ESPL1: variants seen among roughly 807,000 people sequenced by gnomAD.
ESPL1 encodes the protein separin.
ESPL1 carries 50 observed loss-of-function variants against 217.2 expected under a neutral mutation model. The observed-to-expected ratio is 0.23, with a 90% confidence interval of 0.18 to 0.29. ESPL1 has a LOEUF of 0.29. Ranked by LOEUF, ESPL1 falls within the 10% of genes least tolerant of loss-of-function variation. The pLI is 1.00. For missense variants in ESPL1, 1,834 were observed against 2,603.0 expected (o/e 0.70, Z 6.43); for synonymous variants, 994 against 1,081.3 (o/e 0.92, Z 1.58).
chr12:53,269,351 C>T lies in ESPL1; in HGVS notation c.409C>T (p.Pro137Ser), dbSNP rs2120869128. ...CLVQCSREAA[P>S]QDYEAVARGS... Reference sequence around the variant, plus strand: ...GGTGCAGTGCTCTCGCGAGGCTGCTCCCCAGGACTATGAGGCCGTGGCTCG... The same window carrying T: ...GGTGCAGTGCTCTCGCGAGGCTGCTTCCCAGGACTATGAGGCCGTGGCTCG... The change falls in exon 3 of 31, where the codon CCC becomes TCC. Residue 137 changes from proline to serine, a missense_variant. By Grantham distance (74) the Pro-to-Ser change is moderately conservative (BLOSUM62 -1). Coordinates refer to ENST00000257934, the MANE Select transcript of ESPL1 (RefSeq NM_012291.5). This position sits in a 1 kb window ranked among gnomAD's most constrained non-coding sequence, Gnocchi z 6.7. 1 of 1,614,056 alleles carries T rather than the reference C, an allele frequency of 6.2e-7. No homozygotes were observed. The highest frequency in any genetic ancestry group is 8.5e-7 in the Non-Finnish European group (1 of 1,180,030).
rs1943771124 is a variant in ESPL1 at position 53,276,727 on chromosome 12, G to T, written c.1808G>T (p.Arg603Leu). ...KAVRADTGQE[R>L]FNIICDLLEL... is the part of the protein sequence containing the mutation. ...GTGCGGGCCGACACTGGACAGGAAC[G>T]CTTCAACATCATCTGTGACCTCCTG... The change falls in exon 8 of 31, where the codon CGC (arginine) becomes CTC (leucine). Residue 603 changes from arginine to leucine, a missense_variant. Coordinates refer to ENST00000257934, the MANE Select transcript of ESPL1 (RefSeq NM_012291.5). The T allele has an allele frequency of 6.2e-7, 1 of 1,613,300 alleles. No homozygotes were observed. Among genetic ancestry groups the T allele is most frequent in the African/African-American group, 1.3e-5 (1 of 74,940 alleles).
At position 53,286,393 on chromosome 12, in the gene ESPL1, G is replaced by A. The variant is rs138937167; in HGVS notation, c.3657G>A (p.Leu1219=). The change falls in exon 18 of 31, where the codon TTG becomes TTA. Residue 1219 remains leucine, a synonymous_variant. Transcript: ENST00000257934. The surrounding 1 kb of genome is among the most constrained non-coding windows in gnomAD (Gnocchi z 5.3). ...CCCCCTCCTTGGTTCCAAGCCTCTT[G>A]GATGAGATCTTGGCTCAAGCATACA... is the stretch of plus-strand genomic sequence containing the variant. The part of the protein sequence containing the change: ...KTPPSLVPSL[L]DEILAQAYTL... 11 of 1,614,058 alleles carry A rather than the reference G, an allele frequency of 6.8e-6. No homozygotes were observed. The highest frequency in any genetic ancestry group is 9.3e-6 in the Non-Finnish European group (11 of 1,180,042).
chr12:53,278,610 A>C (rs1303101335), intron 11 of ESPL1, among the ~76,000 whole-genome samples: 5 of 144,612 alleles, frequency 3.5e-5, no homozygotes, highest in Non-Finnish European at 7.4e-5. Context: ...TTTTTTTTTC[A>C]AGATGGAGTC....
In ESPL1 at chr12:53,271,205, G is replaced by A. The variant is rs543913099; in HGVS notation, c.1369+407G>A. On this transcript the variant is annotated intron_variant, in intron 5 of 30. Coordinates refer to ENST00000257934, the MANE Select transcript of ESPL1 (RefSeq NM_012291.5). ...TTTTTTTTTTTTGAGACAAGGTCTT[G>A]CTCTGTCACCTAGGCTGGAGTGCAC... Among the ~76,000 whole-genome samples the A allele has an allele frequency of 1.8e-3, 163 of 91,964 alleles. 1 individual carries two copies. The highest frequency in any genetic ancestry group is 7.0e-3 in the African/African-American group (161 of 22,980). The allele number at this position is 91,964 out of a possible 152,430, so 60.3% of individuals were successfully genotyped here. A position where few individuals can be genotyped will look rare whatever the true frequency, so the allele number is the denominator to read the frequency against.
intron 2 of ESPL1, 32 bp downstream of exon 2, chr12:53,268,879 G>A (rs939106041): frequency 1.3e-6 from 2 of 1,579,048 alleles, no homozygotes; most frequent in Non-Finnish European, 1.7e-6. Flanking sequence ...GGATACACCT[G>A]GCTTTCCAAA....
intron 13 of ESPL1, 86 bp downstream of exon 13, chr12:53,281,712 T>G (rs1488529456): frequency 1.5e-6 from 2 of 1,327,290 alleles, no homozygotes; most frequent in Non-Finnish European, 2.1e-6. Flanking sequence ...CTTTTGAGAT[T>G]TCCCTGGAGC....
rs369095929 is a variant in ESPL1, at chr12:53,282,757, G to A, written c.2791+322G>A. Reference sequence around the variant, plus strand: ...CAACCTCTGCCTCCTGGGTTCAAACGATTCTCCTGCCTCAACCTCCTGAGT... The same window carrying A: ...CAACCTCTGCCTCCTGGGTTCAAACAATTCTCCTGCCTCAACCTCCTGAGT... On this transcript the variant is annotated intron_variant, in intron 14 of 30. Transcript: ENST00000257934. The surrounding 1 kb of genome is among the most constrained non-coding windows in gnomAD (Gnocchi z 4.0). Among the ~76,000 whole-genome samples, 8 of 152,188 alleles carry A rather than the reference G, an allele frequency of 5.3e-5. No homozygotes were observed. The highest frequency in any genetic ancestry group is 8.8e-5 in the Non-Finnish European group (6 of 68,026).
Position 53,283,449 on chromosome 12 carries a change from C to T in ESPL1, c.2988C>T (p.Cys996=), listed in dbSNP as rs1943897151. ...EVLSCSEKLV[C]HLGRLGSVSE... ...TGAGCTGCTCAGAGAAGCTGGTCTGCCACCTGGGCCGCCTGGGTAGTGTGA... is the reference window on the plus strand; with the variant it reads ...TGAGCTGCTCAGAGAAGCTGGTCTGTCACCTGGGCCGCCTGGGTAGTGTGA... The change falls in exon 16 of 31, where the codon TGC becomes TGT. Residue 996 remains cysteine, a synonymous_variant. Coordinates refer to ENST00000257934, the MANE Select transcript of ESPL1 (RefSeq NM_012291.5). 6.2e-7 allele frequency: 1 copy of T among 1,614,158 alleles called. No individual in the cohort carries two copies. Among genetic ancestry groups the T allele is most frequent in the African/African-American group, 1.3e-5 (1 of 75,042 alleles).
rs756195727 is a variant in ESPL1, at chr12:53,293,429, T to C, written c.6318T>C (p.Ile2106=). 8 of 1,614,050 alleles carry C rather than the reference T, an allele frequency of 5.0e-6. No individual in the cohort carries two copies. The South Asian group carries it at 8.8e-5, about 18-fold the overall frequency. Residue 2106 remains isoleucine (I), a synonymous_variant, in exon 31 of 31, where the codon ATT becomes ATC. Transcript: ENST00000257934. The surrounding 1 kb of genome is among the most constrained non-coding windows in gnomAD (Gnocchi z 4.2). ...ARQAPRLKYL[I]GAAPIAYGLP... is the part of the protein sequence containing the mutation. ...AAGCTCCCCGACTCAAGTATCTTAT[T>C]GGGGCTGCACCTATAGCCTATGGCT... is the stretch of plus-strand genomic sequence containing the variant.
chr12:53,271,497 AC>A (rs1943674366), intron 5 of ESPL1, among the ~76,000 whole-genome samples: 1 of 151,874 alleles, frequency 6.6e-6, no homozygotes, highest in Non-Finnish European at 1.5e-5. Context: ...CCCTGTCTCT[AC>A]TAAAAATAGA....
chr12:53,277,276 T>C (rs1215299887), intron 9 of ESPL1, 49 bp downstream of exon 9: 27 of 1,575,926 alleles, frequency 1.7e-5, no homozygotes, highest in Non-Finnish European at 2.2e-5. Context: ...TAGGAATTAC[T>C]GTCCCTGGGC....
rs765858674 is a variant in ESPL1 at position 53,292,532 on chromosome 12, G to T, written c.5913-42G>T. On this transcript the variant is annotated intron_variant, in intron 28 of 30. Coordinates refer to ENST00000257934, the MANE Select transcript of ESPL1 (RefSeq NM_012291.5). The surrounding 1 kb of genome is among the most constrained non-coding windows in gnomAD (Gnocchi z 4.5). ...CTGCTGTCTTTGCCACCTGACCCCTGCCATGCATTTCCCTATTCTCACACC... is the reference window on the plus strand; with the variant it reads ...CTGCTGTCTTTGCCACCTGACCCCTTCCATGCATTTCCCTATTCTCACACC... The T allele has an allele frequency of 7.1e-6, 11 of 1,544,676 alleles. No individual in the cohort carries two copies. The highest frequency in any genetic ancestry group is 9.8e-6 in the Non-Finnish European group (11 of 1,119,496).
intron 17 of ESPL1, among the ~76,000 whole-genome samples, chr12:53,285,004 C>G (rs1220823348): frequency 2.7e-4 from 19 of 70,092 alleles, no homozygotes; most frequent in Non-Finnish European, 4.6e-4. Flanking sequence ...GTGCGAGACT[C>G]TGACTCAAAA....
At position 53,288,205 on chromosome 12, in the gene ESPL1, T is replaced by A. The variant is rs141578053; in HGVS notation, c.4410T>A (p.Arg1470=). The A allele has an allele frequency of 3.7e-6, 6 of 1,610,580 alleles. No individual in the cohort carries two copies. The African/African-American group carries it at 8.0e-5, about 22-fold the overall frequency. Residue 1470 remains arginine (R), a synonymous_variant, in exon 19 of 31, where the codon CGT becomes CGA. Coordinates refer to ENST00000257934, the MANE Select transcript of ESPL1 (RefSeq NM_012291.5). The part of the protein sequence containing the change: ...KVASRHCEER[R]PQRASDQARP... Reference sequence around the variant, plus strand: ...CATCAAGACATTGTGAGGAGCGGCGTCCCCAGAGGGCCAGTGACCAGGCCA... The same window carrying A: ...CATCAAGACATTGTGAGGAGCGGCGACCCCAGAGGGCCAGTGACCAGGCCA...
chr12:53,290,939 C>T lies in ESPL1; in HGVS notation c.5463C>T (p.Arg1821=), dbSNP rs1381948860. 3 of 1,606,244 alleles carry T rather than the reference C, an allele frequency of 1.9e-6. No homozygotes were observed. The highest frequency in any genetic ancestry group is 1.7e-5 in the Admixed American group (1 of 58,766). ...EEPGPAQEAS[R]LQELLQDCGW... Reference sequence around the variant, plus strand: ...CCGGCCCTGCCCAGGAGGCCTCCCGCCTACAGGAGCTGCTACAGGACTGTG... The same window carrying T: ...CCGGCCCTGCCCAGGAGGCCTCCCGTCTACAGGAGCTGCTACAGGACTGTG... The change falls in exon 25 of 31, where the codon CGC becomes CGT. Residue 1821 remains arginine (R), a synonymous_variant. Transcript: ENST00000257934.
In ESPL1 at chr12:53,276,709, C is replaced by T; in HGVS notation, c.1790C>T (p.Ala597Val). The T allele has an allele frequency of 6.2e-7, 1 of 1,613,236 alleles. No homozygotes were observed. Residue 597 changes from alanine to valine, a missense_variant, in exon 8 of 31, where the codon GCC (alanine) becomes GTC (valine). Ala to Val is a moderately conservative substitution (Grantham distance 64). Around this residue, in one of 5 missense-constraint regions of ESPL1, gnomAD observed 746 missense variants for 1,077.0 expected, o/e 0.69. Transcript: ENST00000257934. ...EELQAYKAVR[A>V]DTGQERFNII... The stretch of plus-strand genomic sequence containing the variant: ...CTGCAGGCCTACAAGGCGGTGCGGG[C>T]CGACACTGGACAGGAACGCTTCAAC...
Position 53,293,122 on chromosome 12 carries a change from C to A in ESPL1, c.6162-151C>A. On this transcript the variant is annotated intron_variant, in intron 30 of 30. Coordinates refer to ENST00000257934, the MANE Select transcript of ESPL1 (RefSeq NM_012291.5). This position sits in a 1 kb window ranked among gnomAD's most constrained non-coding sequence, Gnocchi z 4.2. ...GCATGCCTGGACCATTAACCCTTAG[C>A]TCCCTTCTGTTCTTCTCTTGTAACC... The A allele has an allele frequency of 1.0e-6, 1 of 977,026 alleles. No homozygotes were observed. 60.5% of individuals were successfully genotyped at this position (977,026 alleles called of 1,614,324 possible). A position where few individuals can be genotyped will look rare whatever the true frequency, so the allele number is the denominator to read the frequency against.
At chr12:53,277,442 T>C (rs765441529) in intron 9 of ESPL1, 28 bp from the exon 10 acceptor site, 4 of 1,609,464 alleles carry the variant, frequency 2.5e-6, no homozygotes, top group Non-Finnish European at 3.4e-6. Context: ...CACTGTGCCC[T>C]GTTTTATACC....
rs1943959760 is a variant in ESPL1, at chr12:53,286,998, TGTGGAATAGCTCCCCAGGGCCTA to T, written c.4176+93_4176+115del. On this transcript the variant is annotated intron_variant, in intron 18 of 30. Coordinates refer to ENST00000257934, the MANE Select transcript of ESPL1 (RefSeq NM_012291.5). The surrounding 1 kb of genome is among the most constrained non-coding windows in gnomAD (Gnocchi z 5.3). The stretch of plus-strand genomic sequence containing the variant: ...GAGTGTTTTATAGAGCAGGTGTCCC[TGTGGAATAGCTCCCCAGGGCCTA>T]GTGGAACTTTAATCTCCTGCTATCT... 3.0e-6 allele frequency: 4 copies of T among 1,329,864 alleles called. No homozygotes were observed. The Admixed American group carries it at 9.3e-5, about 31-fold the overall frequency. The allele number at this position is 1,329,864 out of a possible 1,614,324, so 82.4% of individuals were successfully genotyped here.
Sources: allele counts gnomAD v4.1 joint callset (sites outside exome capture counted in the v4.1 genomes callset), GRCh38; gene constraint gnomAD v4.1.1; regional missense constraint gnomAD v4.1.1; non-coding constraint Gnocchi (gnomAD v3.1); transcripts MANE v1.5; gene names NCBI Gene and HGNC (gene_info 2026-07-23, HGNC 2026-07-21).